Variants in ACBD7 observed in about 807,000 individuals in gnomAD.
ACBD7 encodes acyl-CoA-binding domain-containing protein 7.
Under a neutral mutation model 13.7 loss-of-function variants are expected in ACBD7, and 11 were observed. The observed-to-expected ratio is 0.80, with a 90% CI of 0.50 to 1.33. The LOEUF (loss-of-function observed/expected upper bound fraction) is 1.33. Among genes scored for constraint, ACBD7 ranks in the 40% most tolerant of loss-of-function variants. The probability of loss-of-function intolerance (pLI) is 0.00; values close to 1 mark genes in which losing one functional copy is unlikely to be tolerated. For missense variants in ACBD7, 111 were observed against 103.0 expected (o/e 1.08, Z -0.33); for synonymous variants, 43 against 37.7 (o/e 1.14, Z -0.51).
chr10:15,086,133 C>A (rs1466913170), intron 1 of ACBD7, among the ~76,000 whole-genome samples: 4 of 151,948 alleles, frequency 2.6e-5, no homozygotes, highest in African/African-American at 4.8e-5. Context: ...CATGGTGAAA[C>A]CCTGTCTCTA....
intron 1 of ACBD7, among the ~76,000 whole-genome samples, chr10:15,084,530 G>A (rs1844787220): frequency 6.6e-6 from 1 of 152,170 alleles, no homozygotes. Flanking sequence ...TACTGAAAGC[G>A]AAAGTACATT....
rs1844678946 is a variant in ACBD7, at chr10:15,076,140, C to A, written c.*2390G>T. 1 of 985,102 alleles carries A rather than the reference C, an allele frequency of 1.0e-6. No homozygotes were observed. The highest frequency in any genetic ancestry group is 1.2e-6 in the Non-Finnish European group (1 of 829,872). The allele number at this position is 985,102 out of a possible 1,614,324, so 61.0% of individuals were successfully genotyped here. ...TGTAGTAACATGAAGTGGATCTATT[C>A]CTCTGGTCATACCATTCCAAATCTA... is the stretch of plus-strand genomic sequence containing the variant. On this transcript the variant is annotated 3_prime_UTR_variant, in exon 4 of 4. Coordinates refer to ENST00000356189, the MANE Select transcript of ACBD7 (RefSeq NM_001039844.3).
intron 1 of ACBD7, among the ~76,000 whole-genome samples, chr10:15,080,524 G>C (rs1227609233): frequency 6.6e-6 from 1 of 152,160 alleles, no homozygotes; most frequent in Non-Finnish European, 1.5e-5. Flanking sequence ...AGGTTGCAGT[G>C]AGCTGAAATA....
intron 1 of ACBD7, among the ~76,000 whole-genome samples, chr10:15,081,587 T>A (rs1437102887): frequency 6.6e-6 from 1 of 152,198 alleles, no homozygotes; most frequent in Non-Finnish European, 1.5e-5. Flanking sequence ...TAATTTTGAG[T>A]TGGCTTCGCA....
At chr10:15,079,203 C>T (rs553537269) in intron 1 of ACBD7, among the ~76,000 whole-genome samples, 163 bp from the exon 2 acceptor site, 69 of 151,728 alleles carry the variant, frequency 4.5e-4, no homozygotes, top group Non-Finnish European at 6.0e-4. Flanking sequence ...TTCACCTCTC[C>T]TGGGACTTAC....
chr10:15,088,148 G>A (rs1688402010), intron 1 of ACBD7, among the ~76,000 whole-genome samples: 1 of 151,822 alleles, frequency 6.6e-6, no homozygotes, highest in Admixed American at 6.6e-5. Context: ...TACACACATG[G>A]AAAATAACAT....
At position 15,078,304 on chromosome 10, in the gene ACBD7, G is replaced by A. The variant is rs911032150; in HGVS notation, c.*226C>T. 3 of 1,360,292 alleles carry A rather than the reference G, an allele frequency of 2.2e-6. No homozygotes were observed. In the African/African-American group the frequency reaches 4.4e-5, roughly 20 times the overall value. The allele number at this position is 1,360,292 out of a possible 1,614,324, so 84.3% of individuals were successfully genotyped here. On this transcript the variant is annotated 3_prime_UTR_variant, in exon 4 of 4. Transcript: ENST00000356189. ...TTATGGCTCCATAGTATTCCATGGTGTATATGTGCCACATTTTCTTAAAAA... is the reference window on the plus strand; with the variant it reads ...TTATGGCTCCATAGTATTCCATGGTATATATGTGCCACATTTTCTTAAAAA...
At chr10:15,079,516 C>G (rs375215144) in intron 1 of ACBD7, among the ~76,000 whole-genome samples, 36 of 151,154 alleles carry the variant, frequency 2.4e-4, no homozygotes, top group African/African-American at 8.3e-4. Context: ...CTCAAGTGAT[C>G]CCCCTGCCTC....
intron 1 of ACBD7, among the ~76,000 whole-genome samples, chr10:15,082,151 T>C (rs182902053): frequency 2.6e-5 from 4 of 152,150 alleles, no homozygotes; most frequent in Non-Finnish European, 2.9e-5. Flanking sequence ...CTGGGCATAG[T>C]GGCACATGCC....
At chr10:15,085,690 T>A (rs1361046155) in intron 1 of ACBD7, among the ~76,000 whole-genome samples, 1 of 152,234 alleles carries the variant, frequency 6.6e-6, no homozygotes, top group Non-Finnish European at 1.5e-5. Flanking sequence ...GAAAGAAATT[T>A]GTCCATTTAG....
chr10:15,075,976 C>CAA lies in ACBD7; in HGVS notation c.*2552_*2553dup, dbSNP rs10541297. 4.4e-3 allele frequency: 1,363 copies of CAA among 312,780 alleles called. 1 individual carries two copies. Among genetic ancestry groups the CAA allele is most frequent in the Non-Finnish European group, 5.1e-3 (1,230 of 240,020 alleles). 19.4% of individuals were successfully genotyped at this position (312,780 alleles called of 1,614,324 possible). ...GTAACAGAGTGACAGCCTGTCTCAACAAAAAAAAAAAAAAAAAAAAAGAAA... is the reference window on the plus strand; with the variant it reads ...GTAACAGAGTGACAGCCTGTCTCAACAAAAAAAAAAAAAAAAAAAAAAAGAAA... On this transcript the variant is annotated 3_prime_UTR_variant, in exon 4 of 4. Coordinates refer to ENST00000356189, the MANE Select transcript of ACBD7 (RefSeq NM_001039844.3).
chr10:15,084,294 C>CA (rs1448458910), intron 1 of ACBD7, among the ~76,000 whole-genome samples: 2 of 152,182 alleles, frequency 1.3e-5, no homozygotes, highest in Non-Finnish European at 2.9e-5. Flanking sequence ...TGGTCTGAGT[C>CA]TATTAAGTAC....
chr10:15,086,456 A>C (rs985519006), intron 1 of ACBD7, among the ~76,000 whole-genome samples: 6 of 152,256 alleles, frequency 3.9e-5, no homozygotes, highest in Non-Finnish European at 8.8e-5. Context: ...AGTATTTTAA[A>C]AGCAAACAAC....
At chr10:15,087,168 A>G (rs1233791280) in intron 1 of ACBD7, among the ~76,000 whole-genome samples, 2 of 152,214 alleles carry the variant, frequency 1.3e-5, no homozygotes, top group Non-Finnish European at 2.9e-5. Flanking sequence ...TGACAGAGTG[A>G]GACCCTGTCT....
chr10:15,084,350 G>C (rs1844784881), intron 1 of ACBD7, among the ~76,000 whole-genome samples: 1 of 152,216 alleles, frequency 6.6e-6, no homozygotes, highest in Admixed American at 6.5e-5. Flanking sequence ...AGGGGGATCA[G>C]AAAGTTATCA....
chr10:15,075,711 T>C lies in ACBD7; in HGVS notation c.*2819A>G, dbSNP rs931755394. The stretch of plus-strand genomic sequence containing the variant: ...AATCCTGGCTGGACGCGGTGGCTCA[T>C]GCCTATAGTCTCAGCACTTTGGGGG... On this transcript the variant is annotated 3_prime_UTR_variant, in exon 4 of 4. Coordinates refer to ENST00000356189, the MANE Select transcript of ACBD7 (RefSeq NM_001039844.3). Among the ~76,000 whole-genome samples, 25 of 152,100 alleles carry C rather than the reference T, an allele frequency of 1.6e-4. No homozygotes were observed. Among genetic ancestry groups the C allele is most frequent in the African/African-American group, 6.0e-4 (25 of 41,448 alleles).
rs1306575456 is a variant in ACBD7 at position 15,079,003 on chromosome 10, A to G, written c.50T>C (p.Leu17Pro). The G allele has an allele frequency of 1.2e-6, 2 of 1,609,462 alleles. No individual in the cohort carries two copies. Among genetic ancestry groups the G allele is most frequent in the Non-Finnish European group, 1.7e-6 (2 of 1,177,790 alleles). Residue 17 changes from leucine to proline, a missense_variant, in exon 2 of 4, where the codon CTG (leucine) becomes CCG (proline). By Grantham distance (98) the Leu-to-Pro change is moderately conservative. Transcript: ENST00000356189. ...FDRAAEDVRK[L>P]KARPDDGELK... ...TTCTCCATCATCTGGTCTTGCTTTC[A>G]GCTTCCTCACATCTTCTGCAGCCCT...
chr10:15,088,393 G>T (rs1844833261), intron 1 of ACBD7: 1 of 475,074 alleles, frequency 2.1e-6, no homozygotes. Context: ...CCCAACGAGC[G>T]AAGGGGCGGG....
At chr10:15,081,249 G>C (rs1321287388) in intron 1 of ACBD7, among the ~76,000 whole-genome samples, 1 of 152,190 alleles carries the variant, frequency 6.6e-6, no homozygotes, top group Non-Finnish European at 1.5e-5. Flanking sequence ...CCCACCAAGA[G>C]TTTTGCCCAG....
Sources: gnomAD v4.1 joint callset for allele counts (sites outside exome capture counted in the v4.1 genomes callset) on GRCh38, gnomAD v4.1.1 for gene constraint, MANE v1.5 for transcripts, NCBI Gene and HGNC (gene_info 2026-07-23, HGNC 2026-07-21) for gene names.